Variants in C1QTNF7 observed in about 807,000 individuals in gnomAD.
C1QTNF7 encodes complement C1q tumor necrosis factor-related protein 7.
Under a neutral mutation model 19.6 loss-of-function variants are expected in C1QTNF7, and 15 were observed. The ratio of observed to expected loss-of-function variants is 0.76; its 90% confidence interval spans 0.51 to 1.18. The LOEUF is 1.18. C1QTNF7 is among the 50% of genes most tolerant of loss of function. The pLI is 0.00. For synonymous variants in C1QTNF7, 142 were observed against 137.5 expected, an observed-to-expected ratio of 1.03 and a Z score of -0.23; for missense variants, 324 against 359.7, an observed-to-expected ratio of 0.90 and a Z score of 0.80.
chr4:15,406,859 G>A (rs757146699), intron 1 of C1QTNF7, among the ~76,000 whole-genome samples: 14 of 152,134 alleles, frequency 9.2e-5, no homozygotes, highest in Non-Finnish European at 1.8e-4. Flanking sequence ...TATCTTTCCA[G>A]ATGCAGATCC....
chr4:15,377,733 G>T (rs2108888289), intron 1 of C1QTNF7, among the ~76,000 whole-genome samples: 1 of 152,244 alleles, frequency 6.6e-6, no homozygotes, highest in African/African-American at 2.4e-5. Flanking sequence ...TTCTTGTGAT[G>T]TCATGACTTG....
At chr4:15,425,435 G>A (rs1433696749), upstream of C1QTNF7, among the ~76,000 whole-genome samples, 1 of 152,146 alleles carries the variant, frequency 6.6e-6, no homozygotes, top group Admixed American at 6.5e-5. Flanking sequence ...GAGGCATAGG[G>A]GAGACATGGT....
intron 1 of C1QTNF7, among the ~76,000 whole-genome samples, chr4:15,360,833 G>A (rs761361393): frequency 6.6e-6 from 1 of 152,052 alleles, no homozygotes; most frequent in Non-Finnish European, 1.5e-5. Context: ...TTCAAACAAC[G>A]AGGACTTTTT....
chr4:15,421,427 C>A (rs1172675414), intron 1 of C1QTNF7, among the ~76,000 whole-genome samples: 1 of 152,096 alleles, frequency 6.6e-6, no homozygotes, highest in Non-Finnish European at 1.5e-5. Context: ...ATGGCACTTA[C>A]CAAAGAACAG....
chr4:15,373,294 C>T (rs185430004), intron 1 of C1QTNF7, among the ~76,000 whole-genome samples: 43 of 152,290 alleles, frequency 2.8e-4, no homozygotes, highest in Admixed American at 3.3e-4. Context: ...TATCTCCTTC[C>T]AGCCCTTGTA....
rs144312015 is a variant in C1QTNF7 at position 15,441,479 on chromosome 4, T to C, written c.239-689T>C. 1.8e-3 allele frequency among the ~76,000 whole-genome samples: 280 copies of C among 152,328 alleles called. 3 individuals carry two copies. Among genetic ancestry groups the C allele is most frequent in the African/African-American group, 6.4e-3 (266 of 41,560 alleles). On this transcript the variant is annotated intron_variant, in intron 2 of 2. Coordinates refer to ENST00000444304, the MANE Select transcript of C1QTNF7 (RefSeq NM_031911.5). ...AGAAATAGAATGAAGCCTCTAGGGA[T>C]TTGCCTGGTTCTGTCTGCCCCTCTG...
intron 1 of C1QTNF7, among the ~76,000 whole-genome samples, chr4:15,344,795 G>A (rs1412335845): frequency 6.6e-6 from 1 of 152,222 alleles, no homozygotes; most frequent in Non-Finnish European, 1.5e-5. Flanking sequence ...ATGATTAGGG[G>A]AGGGTGCATT....
intron 1 of C1QTNF7, among the ~76,000 whole-genome samples, chr4:15,414,516 T>C (rs1719517815): frequency 6.6e-6 from 1 of 151,580 alleles, no homozygotes; most frequent in Admixed American, 6.6e-5. Flanking sequence ...TTTTCTTCCA[T>C]TCAACACATT....
chr4:15,370,475 T>C (rs1380665313), intron 1 of C1QTNF7, among the ~76,000 whole-genome samples: 1 of 152,210 alleles, frequency 6.6e-6, no homozygotes, highest in Non-Finnish European at 1.5e-5. Flanking sequence ...TTAGGAACTC[T>C]GCCTACAAGT....
intron 2 of C1QTNF7, among the ~76,000 whole-genome samples, chr4:15,437,122 C>T (rs1712569599): frequency 6.6e-6 from 1 of 152,098 alleles, no homozygotes; most frequent in African/African-American, 2.4e-5. Flanking sequence ...ACAACTGAGT[C>T]ATAATTATGA....
chr4:15,403,951 AT>A (rs969829635), intron 1 of C1QTNF7, among the ~76,000 whole-genome samples: 2 of 152,190 alleles, frequency 1.3e-5, no homozygotes, highest in Non-Finnish European at 2.9e-5. Flanking sequence ...TACTATCGAT[AT>A]ATTTTAGTTC....
At chr4:15,404,348 GT>G (rs1252345189) in intron 1 of C1QTNF7, among the ~76,000 whole-genome samples, 1 of 152,150 alleles carries the variant, frequency 6.6e-6, no homozygotes, top group Non-Finnish European at 1.5e-5. Flanking sequence ...CTGAGTACTA[GT>G]TCTTCTTGCT....
At chr4:15,353,410 A>G (rs555128842) in intron 1 of C1QTNF7, among the ~76,000 whole-genome samples, 2 of 152,182 alleles carry the variant, frequency 1.3e-5, no homozygotes, top group Admixed American at 6.5e-5. Context: ...TTTTTCTTTC[A>G]GCTCGTATTT....
chr4:15,346,285 C>T (rs1716715895), intron 1 of C1QTNF7, among the ~76,000 whole-genome samples: 1 of 152,128 alleles, frequency 6.6e-6, no homozygotes, highest in African/African-American at 2.4e-5. Flanking sequence ...GTTTGTCTGT[C>T]TTCTGTCTCC....
intron 1 of C1QTNF7, among the ~76,000 whole-genome samples, chr4:15,366,848 G>A (rs1717541781): frequency 6.6e-6 from 1 of 152,172 alleles, no homozygotes; most frequent in Non-Finnish European, 1.5e-5. Flanking sequence ...GTGCATGTGT[G>A]ACTCCTGCGG....
At chr4:15,373,552 G>A (rs993684855) in intron 1 of C1QTNF7, among the ~76,000 whole-genome samples, 1 of 152,172 alleles carries the variant, frequency 6.6e-6, no homozygotes, top group Non-Finnish European at 1.5e-5. Flanking sequence ...ATGGGACAGG[G>A]ATCACATACC....
intron 1 of C1QTNF7, among the ~76,000 whole-genome samples, chr4:15,342,605 A>G (rs1716584225): frequency 6.6e-6 from 1 of 152,176 alleles, no homozygotes; most frequent in African/African-American, 2.4e-5. Flanking sequence ...AAGATGAGTA[A>G]AATATCACGA....
chr4:15,343,156 G>A (rs1351402566), intron 1 of C1QTNF7, among the ~76,000 whole-genome samples: 1 of 152,142 alleles, frequency 6.6e-6, no homozygotes, highest in African/African-American at 2.4e-5. Context: ...TGTGTGCACC[G>A]ACTCCCGTGA....
At chr4:15,409,091 A>G (rs968563204) in intron 1 of C1QTNF7, among the ~76,000 whole-genome samples, 2 of 152,154 alleles carry the variant, frequency 1.3e-5, no homozygotes, top group African/African-American at 2.4e-5. Flanking sequence ...TTTCAATTCC[A>G]CTTCTGCTCA....
Sources: gnomAD v4.1 joint callset for allele counts (sites outside exome capture counted in the v4.1 genomes callset) on GRCh38, gnomAD v4.1.1 for gene constraint, MANE v1.5 for transcripts, NCBI Gene and HGNC (gene_info 2026-07-23, HGNC 2026-07-21) for gene names.